The following LPP variants were observed in gnomAD, a reference collection of about 807,000 sequenced individuals.
LPP encodes lipoma-preferred partner.
LPP carries 38 observed loss-of-function variants against 60.4 expected under a neutral mutation model. The ratio of observed to expected loss-of-function variants is 0.63; its 90% CI spans 0.49 to 0.83. LPP has a LOEUF of 0.83. Ranked by LOEUF, LPP falls within the 40% of genes least tolerant of loss-of-function variation. The probability of loss-of-function intolerance (pLI) is 0.00; values close to 1 mark genes in which losing one functional copy is unlikely to be tolerated. For synonymous variants in LPP, 328 were observed against 290.8 expected, an observed-to-expected ratio of 1.13 and a Z score of -1.30; for missense variants, 902 against 783.6, an observed-to-expected ratio of 1.15 and a Z score of -1.80.
intron 10 of LPP, among the ~76,000 whole-genome samples, chr3:188,868,451 A>G (rs900852485): frequency 2.0e-5 from 3 of 152,312 alleles, no homozygotes; most frequent in African/African-American, 7.2e-5. Context: ...AAGGGGGAAA[A>G]AAATTAAAAC....
At chr3:188,409,916 ACT>A (rs1485056233) in intron 4 of LPP, among the ~76,000 whole-genome samples, 1 of 152,200 alleles carries the variant, frequency 6.6e-6, no homozygotes, top group Non-Finnish European at 1.5e-5. Context: ...CCGAGTTGGC[ACT>A]CAAGTCTTTT....
Position 188,609,288 on chromosome 3 carries a change from C to T in LPP, c.557C>T (p.Pro186Leu). The T allele has an allele frequency of 1.2e-6, 2 of 1,614,070 alleles. No individual in the cohort carries two copies. The highest frequency in any genetic ancestry group is 1.1e-5 in the South Asian group (1 of 91,082). The part of the protein sequence containing the change: ...KKSTLKPQPA[P>L]QAGPIPVAPI... ...TCTACATTGAAACCACAGCCTGCAC[C>T]CCAGGCTGGACCCATCCCTGTGGCT... Residue 186 changes from proline to leucine, a missense_variant, in exon 7 of 12, where the codon CCC becomes CTC. By Grantham distance (98) the Pro-to-Leu change is moderately conservative (BLOSUM62 -3). Coordinates refer to ENST00000617246, the MANE Select transcript of LPP (RefSeq NM_001375462.1). The surrounding 1 kb of genome is among the most constrained non-coding windows in gnomAD (Gnocchi z 6.9).
At chr3:188,517,689 T>C (rs921583826) in intron 5 of LPP, among the ~76,000 whole-genome samples, 1 of 151,724 alleles carries the variant, frequency 6.6e-6, no homozygotes, top group African/African-American at 2.4e-5. Context: ...AAAATGAGGG[T>C]GATGCAAAGC....
chr3:188,678,004 T>C (rs1027772185), intron 7 of LPP, among the ~76,000 whole-genome samples: 1 of 152,210 alleles, frequency 6.6e-6, no homozygotes, highest in Non-Finnish European at 1.5e-5. Flanking sequence ...TTCTGACTTA[T>C]GTGGAAACGG....
chr3:188,704,065 G>T (rs1381794281), intron 7 of LPP, among the ~76,000 whole-genome samples: 4 of 152,040 alleles, frequency 2.6e-5, no homozygotes, highest in Admixed American at 6.5e-5. Flanking sequence ...ATTATTAGAG[G>T]TAATATTTTA....
chr3:188,508,036 A>G (rs568622025), intron 5 of LPP, among the ~76,000 whole-genome samples: 32 of 152,338 alleles, frequency 2.1e-4, no homozygotes, highest in African/African-American at 3.6e-4. Context: ...ATGGATTGCT[A>G]TAACATAGTG....
intron 1 of LPP, among the ~76,000 whole-genome samples, chr3:188,203,420 A>ATTT (rs370853021): frequency 4.5e-4 from 42 of 92,470 alleles, no homozygotes; most frequent in East Asian, 4.5e-3. Context: ...ATATATATAT[A>ATTT]ATATAAATAT....
At chr3:188,529,185 A>G (rs1821479450) in intron 6 of LPP, among the ~76,000 whole-genome samples, 1 of 152,242 alleles carries the variant, frequency 6.6e-6, no homozygotes, top group African/African-American at 2.4e-5. Context: ...TGAGAACAAT[A>G]ATCACACACT....
At chr3:188,190,294 T>A (rs1436871318) in intron 1 of LPP, among the ~76,000 whole-genome samples, 2 of 151,920 alleles carry the variant, frequency 1.3e-5, no homozygotes, top group Non-Finnish European at 2.9e-5. Flanking sequence ...CCTGACCTCA[T>A]GTGATCCGCC....
intron 3 of LPP, among the ~76,000 whole-genome samples, chr3:188,368,261 T>C (rs1350815293): frequency 6.6e-6 from 1 of 152,190 alleles, no homozygotes; most frequent in Non-Finnish European, 1.5e-5. Context: ...TTTTTCACCA[T>C]CAAAGGCACA....
At position 188,820,264 on chromosome 3, in the gene LPP, C is replaced by T. The variant is rs541837544; in HGVS notation, c.1411-45936C>T. Among the ~76,000 whole-genome samples, 3 of 150,928 alleles carry T rather than the reference C, an allele frequency of 2.0e-5. 1 individual carries two copies. The highest frequency in any genetic ancestry group is 7.4e-5 in the African/African-American group (3 of 40,686). On this transcript the variant is annotated intron_variant, in intron 9 of 11. Coordinates refer to ENST00000617246, the MANE Select transcript of LPP (RefSeq NM_001375462.1). ...CTGATATGTTTTGCTGTCCTAGAAA[C>T]TGGTGTTTGTGTGTGTGTGTTTGTG... is the stretch of plus-strand genomic sequence containing the variant.
intron 7 of LPP, among the ~76,000 whole-genome samples, chr3:188,704,927 A>T (rs1271955472): frequency 6.6e-6 from 1 of 151,324 alleles, no homozygotes. Flanking sequence ...CTATTTTTCC[A>T]CCTGTCCAGA....
At chr3:188,440,865 G>A (rs1479470018) in intron 4 of LPP, among the ~76,000 whole-genome samples, 1 of 151,854 alleles carries the variant, frequency 6.6e-6, no homozygotes, top group African/African-American at 2.4e-5. Flanking sequence ...ATAAAGAAAG[G>A]CAACAGAGCA....
chr3:188,767,017 T>C (rs964280710), intron 9 of LPP, among the ~76,000 whole-genome samples: 2 of 152,228 alleles, frequency 1.3e-5, no homozygotes, highest in African/African-American at 2.4e-5. Flanking sequence ...TTTTAAATAT[T>C]CTTGAACCAC....
intron 2 of LPP, among the ~76,000 whole-genome samples, chr3:188,228,622 A>G (rs1462501563): frequency 6.6e-6 from 1 of 152,216 alleles, no homozygotes; most frequent in East Asian, 1.9e-4. Context: ...TGTCTCTACA[A>G]CTAAACAAAC....
chr3:188,700,354 G>C (rs1560084452), intron 7 of LPP, among the ~76,000 whole-genome samples: 1 of 152,134 alleles, frequency 6.6e-6, no homozygotes, highest in Non-Finnish European at 1.5e-5. Flanking sequence ...CAGCCCCAGA[G>C]GAACTCAGGG....
At chr3:188,386,493 G>C (rs79892527) in intron 3 of LPP, among the ~76,000 whole-genome samples, 1 of 152,196 alleles carries the variant, frequency 6.6e-6, no homozygotes, top group East Asian at 1.9e-4. Flanking sequence ...ATTAGAAACT[G>C]ACTGTGGTTA....
intron 9 of LPP, among the ~76,000 whole-genome samples, chr3:188,815,973 T>A (rs1403698790): frequency 6.6e-6 from 1 of 152,190 alleles, no homozygotes; most frequent in African/African-American, 2.4e-5. Context: ...AAAGTAAATT[T>A]CATAAGAAAA....
intron 3 of LPP, among the ~76,000 whole-genome samples, chr3:188,396,882 GT>G (rs1781083144): frequency 6.6e-6 from 1 of 152,212 alleles, no homozygotes; most frequent in African/African-American, 2.4e-5. Flanking sequence ...ATCATAAGAA[GT>G]TGTGGGAGGA....
Sources: gnomAD v4.1 joint callset for allele counts (sites outside exome capture counted in the v4.1 genomes callset) on GRCh38, gnomAD v4.1.1 for gene constraint, Gnocchi (gnomAD v3.1) non-coding constraint, MANE v1.5 for transcripts, NCBI Gene and HGNC (gene_info 2026-07-23, HGNC 2026-07-21) for gene names.